Variants in LMOD2 observed in about 807,000 individuals in gnomAD.
The protein encoded by LMOD2 is leiomodin-2.
In LMOD2, 27 loss-of-function variants were observed where a neutral mutation model predicts 41.7. The ratio of observed to expected loss-of-function variants is 0.65; its 90% confidence interval spans 0.48 to 0.89. LMOD2 has a LOEUF of 0.89. LMOD2 is among the 40% of genes least tolerant of loss of function. The probability of loss-of-function intolerance (pLI) is 0.00; values close to 1 mark genes in which losing one functional copy is unlikely to be tolerated. For synonymous variants in LMOD2, 251 were observed against 244.6 expected (o/e 1.03, Z -0.25); for missense variants, 624 against 667.9 (o/e 0.93, Z 0.72).
chr7:123,662,056 A>G lies in LMOD2; in HGVS notation c.470A>G (p.Asn157Ser). ...INGTVNYDSV[N>S]SDNSKPKIFK... is the part of the protein sequence containing the mutation. ...GGAACTGTAAATTATGATAGTGTCAATTCTGACAACTCTAAGCCAAAGATA... is the reference window on the plus strand; with the variant it reads ...GGAACTGTAAATTATGATAGTGTCAGTTCTGACAACTCTAAGCCAAAGATA... Residue 157 changes from asparagine to serine, a missense_variant, in exon 2 of 3, where the codon AAT becomes AGT. Physicochemically the swap from Asn to Ser is conservative, Grantham distance 46. Coordinates refer to ENST00000458573, the MANE Select transcript of LMOD2 (RefSeq NM_207163.3). The surrounding 1 kb of genome is among the most constrained non-coding windows in gnomAD (Gnocchi z 4.0). 3 of 1,598,738 alleles carry G rather than the reference A, an allele frequency of 1.9e-6. No individual in the cohort carries two copies. Among genetic ancestry groups the G allele is most frequent in the Non-Finnish European group, 2.6e-6 (3 of 1,171,882 alleles).
At position 123,661,892 on chromosome 7, in the gene LMOD2, G is replaced by A; in HGVS notation, c.306G>A (p.Glu102=). Residue 102 remains glutamate (E), a synonymous_variant, in exon 2 of 3, where the codon GAG becomes GAA. Transcript: ENST00000458573. ...AAGACAAAGAGGAAAGTGAAGAAGA[G>A]CTTATCTTTACTGAAAGTAACAGTG... The part of the protein sequence containing the change: ...VAEDKEESEE[E]LIFTESNSEV... 6.5e-7 allele frequency: 1 copy of A among 1,543,740 alleles called. No homozygotes were observed. The highest frequency in any genetic ancestry group is 1.2e-5 in the South Asian group (1 of 82,274).
intron 1 of LMOD2, among the ~76,000 whole-genome samples, chr7:123,660,323 T>TCTCACA (rs1554401436): frequency 2.7e-5 from 4 of 147,358 alleles, no homozygotes; most frequent in African/African-American, 1.0e-4. Flanking sequence ...TCTCTCTCTC[T>TCTCACA]CACACACACA....
At chr7:123,656,326 C>A (rs1562950184) in intron 1 of LMOD2, 90 bp downstream of exon 1, 3 of 1,344,236 alleles carry the variant, frequency 2.2e-6, no homozygotes, top group Non-Finnish European at 3.0e-6. Flanking sequence ...CTTCTCAATC[C>A]TCATCACTTG....
At chr7:123,658,578 T>C (rs574756001) in intron 1 of LMOD2, among the ~76,000 whole-genome samples, 2 of 152,320 alleles carry the variant, frequency 1.3e-5, no homozygotes, top group Non-Finnish European at 2.9e-5. Flanking sequence ...CCAGGGACCC[T>C]AGAATCCCAA....
rs1255110397 is a variant in LMOD2, at chr7:123,663,206, A to G, written c.1617+3A>G. 1.3e-6 allele frequency: 2 copies of G among 1,560,546 alleles called. No homozygotes were observed. Among genetic ancestry groups the G allele is most frequent in the Non-Finnish European group, 1.7e-6 (2 of 1,152,680 alleles). On this transcript the variant is annotated splice_donor_region_variant and intron_variant, in intron 2 of 2. Transcript: ENST00000458573. ...GCAGCATAAAACAGCTAAAGCGGGTAAGTAACCAGAGAACAGACATAGGGG... is the reference window on the plus strand; with the variant it reads ...GCAGCATAAAACAGCTAAAGCGGGTGAGTAACCAGAGAACAGACATAGGGG...
At chr7:123,657,811 C>CA (rs1009900124) in intron 1 of LMOD2, among the ~76,000 whole-genome samples, 8,372 of 35,802 alleles carry the variant, frequency 0.23, 708 homozygotes, top group Middle Eastern at 0.29. Context: ...CTCATCTCTA[C>CA]AAAAAAAAAA....
intron 1 of LMOD2, among the ~76,000 whole-genome samples, chr7:123,656,954 A>C (rs1802796987): frequency 6.6e-6 from 1 of 152,328 alleles, no homozygotes; most frequent in Non-Finnish European, 1.5e-5. Context: ...TGCAAAATAC[A>C]CCAACTTTTG....
intron 2 of LMOD2, 105 bp from the exon 3 acceptor site, chr7:123,663,614 C>A: frequency 2.2e-6 from 2 of 913,186 alleles, no homozygotes; most frequent in South Asian, 1.6e-5. Flanking sequence ...CAGCAATAAT[C>A]AACCTGAGTT....
chr7:123,664,072 G>A lies in LMOD2; in HGVS notation c.*327G>A, dbSNP rs951914104. On this transcript the variant is annotated 3_prime_UTR_variant, in exon 3 of 3. Transcript: ENST00000458573. ...TGTTATTTTTGTAATCTCAATAAATGTGGATTGAAGTTTTTTCCCTTTTTT... is the reference window on the plus strand; with the variant it reads ...TGTTATTTTTGTAATCTCAATAAATATGGATTGAAGTTTTTTCCCTTTTTT... 3 of 252,836 alleles carry A rather than the reference G, an allele frequency of 1.2e-5. No homozygotes were observed. The highest frequency in any genetic ancestry group is 6.7e-5 in the African/African-American group (3 of 45,040). 15.7% of individuals were successfully genotyped at this position (252,836 alleles called of 1,614,324 possible). A position where few individuals can be genotyped will look rare whatever the true frequency, so the allele number is the denominator to read the frequency against.
intron 1 of LMOD2, among the ~76,000 whole-genome samples, chr7:123,658,350 A>G (rs536423701): frequency 6.6e-6 from 1 of 152,334 alleles, no homozygotes; most frequent in African/African-American, 2.4e-5. Flanking sequence ...TTCCCACAAC[A>G]GGGAAAATCT....
rs1473746974 is a variant in LMOD2 at position 123,664,208 on chromosome 7, T to G, written c.*463T>G. ...TTTTTTTAAAAAGCCAAACTAATATTTTTCTGTGAGTTAATACATCTGTCA... is the reference window on the plus strand; with the variant it reads ...TTTTTTTAAAAAGCCAAACTAATATGTTTCTGTGAGTTAATACATCTGTCA... On this transcript the variant is annotated 3_prime_UTR_variant, in exon 3 of 3. Coordinates refer to ENST00000458573, the MANE Select transcript of LMOD2 (RefSeq NM_207163.3). 1 of 155,870 alleles carries G rather than the reference T, an allele frequency of 6.4e-6. No homozygotes were observed. Among genetic ancestry groups the G allele is most frequent in the Non-Finnish European group, 1.4e-5 (1 of 70,680 alleles). 9.7% of individuals were successfully genotyped at this position (155,870 alleles called of 1,614,324 possible).
rs1802894292 is a variant in LMOD2 at position 123,662,489 on chromosome 7, G to A, written c.903G>A (p.Leu301=). 2 of 1,613,844 alleles carry A rather than the reference G, an allele frequency of 1.2e-6. No individual in the cohort carries two copies. The highest frequency in any genetic ancestry group is 1.7e-6 in the Non-Finnish European group (2 of 1,179,892). The part of the protein sequence containing the change: ...ALQHNTVLTE[L]RFHNQRHIMG... The stretch of plus-strand genomic sequence containing the variant: ...AGCACAACACGGTGCTCACGGAGCT[G>A]CGTTTCCATAACCAGAGGCACATCA... The change falls in exon 2 of 3, where the codon CTG becomes CTA. Residue 301 remains leucine (L), a synonymous_variant. Coordinates refer to ENST00000458573, the MANE Select transcript of LMOD2 (RefSeq NM_207163.3). This position sits in a 1 kb window ranked among gnomAD's most constrained non-coding sequence, Gnocchi z 4.0.
Position 123,661,833 on chromosome 7 carries a change from G to A in LMOD2, c.274-27G>A, listed in dbSNP as rs766790007. 4.4e-5 allele frequency: 61 copies of A among 1,392,206 alleles called. 1 individual carries two copies. In the East Asian group the frequency reaches 9.6e-4, roughly 22 times the overall value. 86.2% of individuals were successfully genotyped at this position (1,392,206 alleles called of 1,614,324 possible). ...TTAAAAATGGTATCATTTTTAAGAA[G>A]CTTAATGATGATATCATACTCTTTA... On this transcript the variant is annotated intron_variant, in intron 1 of 2. Transcript: ENST00000458573.
intron 1 of LMOD2, among the ~76,000 whole-genome samples, chr7:123,660,124 A>G (rs1372603783): frequency 3.3e-5 from 5 of 152,032 alleles, no homozygotes; most frequent in African/African-American, 1.2e-4. Context: ...TCAGCCCACA[A>G]TTCTTTCCTT....
At position 123,655,993 on chromosome 7, in the gene LMOD2, C is replaced by T. The variant is rs1445510517; in HGVS notation, c.30C>T (p.Leu10=). MSTFGYRRG[L]SKYESIDEDE... is the part of the protein sequence containing the mutation. ...CTACCTTTGGCTACCGAAGAGGACT[C>T]AGTAAATACGAATCCATCGACGAGG... The change falls in exon 1 of 3, where the codon CTC becomes CTT. Residue 10 remains leucine (L), a synonymous_variant. Transcript: ENST00000458573. 6.2e-7 allele frequency: 1 copy of T among 1,609,020 alleles called. No homozygotes were observed. Among genetic ancestry groups the T allele is most frequent in the Admixed American group, 1.7e-5 (1 of 59,344 alleles).
intron 1 of LMOD2, among the ~76,000 whole-genome samples, chr7:123,660,319 T>TCA (rs1390723377): frequency 2.8e-5 from 4 of 141,040 alleles, no homozygotes; most frequent in Admixed American, 1.4e-4. Context: ...TCTCTCTCTC[T>TCA]CTCTCACACA....
At position 123,662,989 on chromosome 7, in the gene LMOD2, G is replaced by C. The variant is rs1802913033; in HGVS notation, c.1403G>C (p.Ser468Thr). Residue 468 changes from serine (S) to threonine (T), a missense_variant, in exon 2 of 3, where the codon AGT (serine) becomes ACT (threonine). Ser to Thr is a moderately conservative substitution (Grantham distance 58). Transcript: ENST00000458573. The surrounding 1 kb of genome is among the most constrained non-coding windows in gnomAD (Gnocchi z 4.0). ...NIAEVIKQQE[S>T]AQRALQNGQK... ...GCAGAAGTCATCAAACAACAGGAGA[G>C]TGCCCAACGGGCATTACAAAATGGA... The C allele has an allele frequency of 5.2e-6, 8 of 1,552,812 alleles. No homozygotes were observed. The highest frequency in any genetic ancestry group is 6.1e-6 in the Non-Finnish European group (7 of 1,147,726).
chr7:123,663,442 C>A, intron 2 of LMOD2: 1 of 606,078 alleles, frequency 1.6e-6, no homozygotes, highest in South Asian at 2.2e-5. Context: ...GGGCAAGGAC[C>A]ATTTTCATAC....
Position 123,662,963 on chromosome 7 carries a change from T to G in LMOD2, c.1377T>G (p.Ile459Met). The G allele has an allele frequency of 6.5e-7, 1 of 1,549,652 alleles. No individual in the cohort carries two copies. Among genetic ancestry groups the G allele is most frequent in the Non-Finnish European group, 8.7e-7 (1 of 1,146,976 alleles). The change falls in exon 2 of 3, where the codon ATT becomes ATG. Residue 459 changes from isoleucine to methionine, a missense_variant. Transcript: ENST00000458573. This position sits in a 1 kb window ranked among gnomAD's most constrained non-coding sequence, Gnocchi z 4.0. ...AGAAAAAGCTCATTACCAGAAACAT[T>G]GCAGAAGTCATCAAACAACAGGAGA... ...LPEKKLITRN[I>M]AEVIKQQESA...
Sources: allele counts gnomAD v4.1 joint callset (sites outside exome capture counted in the v4.1 genomes callset), GRCh38; gene constraint gnomAD v4.1.1; non-coding constraint Gnocchi (gnomAD v3.1); transcripts MANE v1.5; gene names NCBI Gene and HGNC (gene_info 2026-07-23, HGNC 2026-07-21).